SOX6: variants seen among roughly 807,000 people sequenced by gnomAD.
The protein encoded by SOX6 is SRY-box transcription factor 6, also known as transcription factor SOX-6.
In SOX6, 11 loss-of-function variants were observed where a neutral mutation model predicts 97.8. The observed-to-expected ratio is 0.11, with a 90% confidence interval of 0.07 to 0.19. The LOEUF is 0.19. Among genes scored for constraint, SOX6 ranks in the 10% least tolerant of loss-of-function variants. SOX6 has a pLI of 1.00. For missense variants in SOX6, 810 were observed against 1,039.5 expected (o/e 0.78, Z 3.04); for synonymous variants, 360 against 371.4 (o/e 0.97, Z 0.35).
chr11:16,498,826 A>G (rs1265839247), intron 4 of SOX6, among the ~76,000 whole-genome samples: 1 of 152,232 alleles, frequency 6.6e-6, no homozygotes, highest in Non-Finnish European at 1.5e-5. Flanking sequence ...TTAGAGACCT[A>G]CAAAGAAACT....
intron 5 of SOX6, among the ~76,000 whole-genome samples, chr11:16,185,819 G>A (rs971836594): frequency 1.3e-5 from 2 of 152,092 alleles, no homozygotes; most frequent in Non-Finnish European, 2.9e-5. Context: ...ATTAGGGGCT[G>A]AGTCCATATT....
chr11:16,596,031 GA>G (rs941412738), intron 4 of SOX6, among the ~76,000 whole-genome samples: 1 of 152,000 alleles, frequency 6.6e-6, no homozygotes, highest in Non-Finnish European at 1.5e-5. Flanking sequence ...TTTGCCATTG[GA>G]AAAACTTAAT....
At chr11:16,281,482 G>A (rs1183679043) in intron 3 of SOX6, among the ~76,000 whole-genome samples, 1 of 151,976 alleles carries the variant, frequency 6.6e-6, no homozygotes, top group African/African-American at 2.4e-5. Context: ...ATATACAGAT[G>A]TATTTCATTT....
chr11:16,303,957 C>T (rs2134278281), intron 3 of SOX6, among the ~76,000 whole-genome samples: 1 of 152,158 alleles, frequency 6.6e-6, no homozygotes, highest in East Asian at 1.9e-4. Flanking sequence ...TGCTCTGTTA[C>T]CCAGGTTGGA....
At chr11:16,364,175 A>G (rs1009722856) in intron 1 of SOX6, among the ~76,000 whole-genome samples, 1 of 152,134 alleles carries the variant, frequency 6.6e-6, no homozygotes, top group Non-Finnish European at 1.5e-5. Flanking sequence ...AAAATTTGTA[A>G]CAGCTTCTGA....
chr11:16,053,098 C>T (rs1847724585), intron 10 of SOX6, among the ~76,000 whole-genome samples: 1 of 152,142 alleles, frequency 6.6e-6, no homozygotes, highest in East Asian at 1.9e-4. Context: ...GCATTAGCAT[C>T]CCTAAACTCT....
chr11:16,308,016 G>C (rs1407141373), intron 3 of SOX6, among the ~76,000 whole-genome samples: 1 of 152,130 alleles, frequency 6.6e-6, no homozygotes, highest in Non-Finnish European at 1.5e-5. Context: ...TTAAACTCAA[G>C]ACATCAACTA....
intron 3 of SOX6, among the ~76,000 whole-genome samples, chr11:16,283,089 G>GCATATATATATA (rs1554952961): frequency 8.8e-6 from 1 of 113,710 alleles, no homozygotes; most frequent in African/African-American, 3.5e-5. Context: ...TATATAATTT[G>GCATATATATATA]TATATATATA....
intron 4 of SOX6, among the ~76,000 whole-genome samples, chr11:16,516,064 G>T (rs1231129103): frequency 6.6e-6 from 1 of 151,004 alleles, no homozygotes; most frequent in Non-Finnish European, 1.5e-5. Flanking sequence ...CTTTAAAGTA[G>T]TTTTTTCCAA....
At chr11:16,194,988 T>A (rs1393168160) in intron 4 of SOX6, among the ~76,000 whole-genome samples, 5 of 152,220 alleles carry the variant, frequency 3.3e-5, no homozygotes, top group African/African-American at 1.2e-4. Context: ...AAATAGTAAT[T>A]TCTGGCCTTT....
chr11:16,190,771 G>C (rs1851609810), intron 4 of SOX6, among the ~76,000 whole-genome samples: 1 of 152,136 alleles, frequency 6.6e-6, no homozygotes, highest in African/African-American at 2.4e-5. Flanking sequence ...AAAATGTGCA[G>C]ATTAATTTGT....
chr11:16,373,497 A>T (rs78701065), intron 1 of SOX6, among the ~76,000 whole-genome samples: 2,351 of 152,142 alleles, frequency 0.015, 53 homozygotes, highest in African/African-American at 0.054. Context: ...AATATTAGAT[A>T]GTTCTTATCA....
At chr11:16,496,232 A>C (rs1369493665) in intron 4 of SOX6, among the ~76,000 whole-genome samples, 1 of 152,254 alleles carries the variant, frequency 6.6e-6, no homozygotes, top group East Asian at 1.9e-4. Flanking sequence ...ATATATTTCA[A>C]TGAAAAAAAA....
intron 3 of SOX6, among the ~76,000 whole-genome samples, chr11:16,665,371 C>G (rs763100864): frequency 2.0e-5 from 3 of 152,136 alleles, no homozygotes; most frequent in Non-Finnish European, 4.4e-5. Flanking sequence ...CTGAAGAGAC[C>G]TTGGGCCTTG....
intron 3 of SOX6, among the ~76,000 whole-genome samples, chr11:16,262,763 T>C (rs1251141470): frequency 6.6e-6 from 1 of 152,046 alleles, no homozygotes; most frequent in Non-Finnish European, 1.5e-5. Flanking sequence ...AAAACTGTGG[T>C]AACATCTTGA....
chr11:16,312,290 T>A (rs1269154347), intron 3 of SOX6: 1 of 152,170 alleles, frequency 6.6e-6, no homozygotes, highest in Non-Finnish European at 1.5e-5. Flanking sequence ...ACCTAAAGAA[T>A]AAGTTTTTAA....
chr11:16,329,149 C>A (rs1033181222), intron 2 of SOX6, among the ~76,000 whole-genome samples: 1 of 151,948 alleles, frequency 6.6e-6, no homozygotes, highest in Non-Finnish European at 1.5e-5. Flanking sequence ...AGATTTGTTA[C>A]CAATATTTGC....
intron 6 of SOX6, among the ~76,000 whole-genome samples, chr11:16,173,840 T>C (rs1249798840): frequency 6.6e-6 from 1 of 150,864 alleles, no homozygotes; most frequent in Non-Finnish European, 1.5e-5. Context: ...TTTTATATTA[T>C]TTATTTATTT....
chr11:16,158,843 G>T (rs1326330827), intron 6 of SOX6, among the ~76,000 whole-genome samples: 4 of 150,896 alleles, frequency 2.7e-5, no homozygotes, highest in Admixed American at 1.3e-4. Context: ...TCTTGCATTA[G>T]TCCTATGTGC....
Sources: allele counts gnomAD v4.1 joint callset (sites outside exome capture counted in the v4.1 genomes callset), GRCh38; gene constraint gnomAD v4.1.1; transcripts MANE v1.5; gene names NCBI Gene and HGNC (gene_info 2026-07-23, HGNC 2026-07-21).